The following PSMA1 variants were observed in gnomAD, a reference collection of about 807,000 sequenced individuals.
The protein encoded by PSMA1 is proteasome subunit alpha type-1.
In PSMA1, 3 loss-of-function variants were observed where a neutral mutation model predicts 38.4. That is an observed-to-expected ratio of 0.08 (90% CI 0.04 to 0.20). PSMA1 has a LOEUF of 0.20. Among genes scored for constraint, PSMA1 ranks in the 10% least tolerant of loss-of-function variants. PSMA1 has a pLI of 1.00. For synonymous variants in PSMA1, 101 were observed against 107.1 expected (o/e 0.94, Z 0.35); for missense variants, 227 against 325.3 (o/e 0.70, Z 2.32).
intron 1 of PSMA1, among the ~76,000 whole-genome samples, chr11:14,629,733 C>T (rs1852973178): frequency 6.6e-6 from 1 of 151,876 alleles, no homozygotes; most frequent in Admixed American, 6.6e-5. Context: ...ATGGGGATGG[C>T]ATTGAATCTG....
chr11:14,520,255 G>C, intron 1 of PSMA1, 42 bp downstream of exon 1: 2 of 1,613,862 alleles, frequency 1.2e-6, no homozygotes, highest in Non-Finnish European at 1.7e-6. Context: ...CCAGTCACCA[G>C]AGCTCTGCCC....
intron 2 of PSMA1, among the ~76,000 whole-genome samples, chr11:14,585,002 T>C (rs1565050866): frequency 1.3e-5 from 2 of 152,200 alleles, no homozygotes; most frequent in South Asian, 4.1e-4. Context: ...TTAAAATAAC[T>C]GGAGATAGGG....
At chr11:14,610,803 T>C in intron 2 of PSMA1, 1 of 640,988 alleles carries the variant, frequency 1.6e-6, no homozygotes, top group Non-Finnish European at 2.6e-6. Context: ...TTCTTTCCTT[T>C]GCTTTCTTAC....
intron 2 of PSMA1, among the ~76,000 whole-genome samples, chr11:14,604,758 T>C (rs1852621445): frequency 6.6e-6 from 1 of 152,168 alleles, no homozygotes; most frequent in South Asian, 2.1e-4. Context: ...TGCTGCCGTC[T>C]TTATGTCCAT....
intron 2 of PSMA1, among the ~76,000 whole-genome samples, chr11:14,574,314 G>T (rs533681109): frequency 1.3e-5 from 2 of 152,298 alleles, no homozygotes; most frequent in South Asian, 4.1e-4. Flanking sequence ...AGGGCACACT[G>T]CTCCCTACAT....
intron 7 of PSMA1, 101 bp downstream of exon 7, chr11:14,513,469 A>G (rs544661459): frequency 1.7e-6 from 2 of 1,199,068 alleles, no homozygotes; most frequent in East Asian, 6.3e-5. Flanking sequence ...AATTCTTTCT[A>G]TAAGACTTAC....
intron 2 of PSMA1, among the ~76,000 whole-genome samples, chr11:14,569,116 T>C (rs1041422801): frequency 6.6e-6 from 1 of 152,218 alleles, no homozygotes; most frequent in Non-Finnish European, 1.5e-5. Flanking sequence ...GCAGCCAGAT[T>C]GAGTTTCTTC....
intron 2 of PSMA1, among the ~76,000 whole-genome samples, chr11:14,594,468 AG>A (rs2134190122): frequency 6.6e-6 from 1 of 152,330 alleles, no homozygotes; most frequent in African/African-American, 2.4e-5. Context: ...CAAGACATGT[AG>A]GTTCCCATGC....
intron 2 of PSMA1, among the ~76,000 whole-genome samples, chr11:14,587,770 A>G (rs947772976): frequency 6.6e-6 from 1 of 152,136 alleles, no homozygotes; most frequent in Non-Finnish European, 1.5e-5. Context: ...CTGGGTTGCT[A>G]TGAGTGTTAA....
At chr11:14,512,660 A>T (rs1345997409) in intron 7 of PSMA1, among the ~76,000 whole-genome samples, 1 of 152,216 alleles carries the variant, frequency 6.6e-6, no homozygotes, top group African/African-American at 2.4e-5. Context: ...ATGGGAAGGA[A>T]AGAGCATAAG....
chr11:14,637,577 A>G (rs1374582005), intron 1 of PSMA1, among the ~76,000 whole-genome samples: 1 of 152,192 alleles, frequency 6.6e-6, no homozygotes, highest in African/African-American at 2.4e-5. Flanking sequence ...TATGAATGAA[A>G]TTGGTTACGG....
At chr11:14,531,454 T>A (rs1233584059) in intron 2 of PSMA1, among the ~76,000 whole-genome samples, 3 of 152,112 alleles carry the variant, frequency 2.0e-5, no homozygotes, top group Non-Finnish European at 4.4e-5. Flanking sequence ...GCAAAGGACA[T>A]GATTTTGTGT....
chr11:14,539,860 C>G (rs1298739868), intron 2 of PSMA1, among the ~76,000 whole-genome samples: 1 of 121,798 alleles, frequency 8.2e-6, no homozygotes, highest in Non-Finnish European at 1.8e-5. Context: ...AACAAACAAA[C>G]AAAGAAAAAA....
intron 4 of PSMA1, among the ~76,000 whole-genome samples, chr11:14,515,883 T>C (rs1473909596): frequency 6.6e-6 from 1 of 151,942 alleles, no homozygotes; most frequent in Non-Finnish European, 1.5e-5. Flanking sequence ...CATTACTATT[T>C]ACACTGTTTT....
chr11:14,584,499 TGTTTTTTG>T (rs1852318130), intron 2 of PSMA1, among the ~76,000 whole-genome samples: 1 of 147,106 alleles, frequency 6.8e-6, no homozygotes, highest in African/African-American at 2.6e-5. Context: ...GTGTTTTTTT[TGTTTTTTG>T]TTTTTTTTTT....
At chr11:14,573,741 C>G (rs1255229818) in intron 2 of PSMA1, among the ~76,000 whole-genome samples, 1 of 152,146 alleles carries the variant, frequency 6.6e-6, no homozygotes, top group Non-Finnish European at 1.5e-5. Flanking sequence ...TTGCAGATGA[C>G]ATGATTGTAT....
intron 8 of PSMA1, among the ~76,000 whole-genome samples, chr11:14,510,138 CA>C (rs1851319539): frequency 6.6e-6 from 1 of 152,204 alleles, no homozygotes; most frequent in South Asian, 2.1e-4. Context: ...AGAGTAACCA[CA>C]ATGGCTTATG....
chr11:14,513,594 T>C lies in PSMA1; in HGVS notation c.520A>G (p.Arg174Gly), dbSNP rs1851379973. ...CACTCCATAAATTCAGACATATGTC[T>C]CTCCAAGTAAGTACGAGCTGATTGG... is the stretch of plus-strand genomic sequence containing the variant. The part of the protein sequence containing the change: ...RSQSARTYLE[R>G]HMSEFMECNL... The change falls in exon 7 of 10, where the codon AGA (arginine) becomes GGA (glycine). Residue 174 changes from arginine to glycine, a missense_variant. By Grantham distance (125) the Arg-to-Gly change is moderately radical (BLOSUM62 -2). Transcript: ENST00000396394. 1 of 1,549,316 alleles carries C rather than the reference T, an allele frequency of 6.5e-7. No individual in the cohort carries two copies. Among genetic ancestry groups the C allele is most frequent in the South Asian group, 1.3e-5 (1 of 79,722 alleles).
At chr11:14,610,842 G>A (rs1852700260) in intron 2 of PSMA1, 1 of 948,780 alleles carries the variant, frequency 1.1e-6, no homozygotes, top group Middle Eastern at 2.2e-4. Flanking sequence ...TTCTCTTTTT[G>A]TTTTCTAGCC....
Sources: allele counts gnomAD v4.1 joint callset (sites outside exome capture counted in the v4.1 genomes callset), GRCh38; gene constraint gnomAD v4.1.1; transcripts MANE v1.5; gene names NCBI Gene and HGNC (gene_info 2026-07-23, HGNC 2026-07-21).